The following ANK3 variants were observed in gnomAD, a reference collection of about 807,000 sequenced individuals.
ANK3 encodes ankyrin 3, also known as ankyrin-3.
A neutral mutation model predicts 370.9 loss-of-function variants in ANK3; 57 were observed. The observed-to-expected ratio is 0.15, with a 90% CI of 0.12 to 0.19. The LOEUF is 0.19. Among genes scored for constraint, ANK3 ranks in the 10% least tolerant of loss-of-function variants. ANK3 has a pLI of 1.00. For synonymous variants in ANK3, 1,929 were observed against 1,946.3 expected, an observed-to-expected ratio of 0.99 and a Z score of 0.23; for missense variants, 4,439 against 5,302.1, an observed-to-expected ratio of 0.84 and a Z score of 5.06.
intron 23 of ANK3, among the ~76,000 whole-genome samples, chr10:60,158,992 T>C (rs1202770361): frequency 6.6e-6 from 1 of 152,048 alleles, no homozygotes; most frequent in Non-Finnish European, 1.5e-5. Flanking sequence ...AAAAAATCAC[T>C]TTTATACAAA....
intron 8 of ANK3, among the ~76,000 whole-genome samples, chr10:60,218,650 C>T (rs140984566): frequency 3.6e-4 from 55 of 152,118 alleles, no homozygotes; most frequent in Middle Eastern, 6.8e-3. Flanking sequence ...CTGAGAGGTC[C>T]GCTGTTAGTC....
In ANK3 at chr10:60,535,901, C is replaced by G. The variant is rs956870263; in HGVS notation, c.96+79285G>C. On this transcript the variant is annotated intron_variant, in intron 2 of 43. Coordinates refer to the ANK3 transcript ENST00000373827. ...ATGAAACAATGGTTGCTCTAAATATCGGCAAAGCAACTGTTTGAAACCTCC... is the reference window on the plus strand; with the variant it reads ...ATGAAACAATGGTTGCTCTAAATATGGGCAAAGCAACTGTTTGAAACCTCC... 3.3e-5 allele frequency among the ~76,000 whole-genome samples: 5 copies of G among 150,338 alleles called. No individual in the cohort carries two copies. In the East Asian group the frequency reaches 9.8e-4, roughly 29 times the overall value.
At chr10:60,156,725 G>C (rs1161911059) in intron 23 of ANK3, among the ~76,000 whole-genome samples, 5 of 152,128 alleles carry the variant, frequency 3.3e-5, no homozygotes, top group African/African-American at 1.2e-4. Context: ...CGGGGCTTAG[G>C]GCACTCTCTA....
intron 2 of ANK3, among the ~76,000 whole-genome samples, chr10:60,570,348 T>G (rs1443286900): frequency 1.3e-5 from 2 of 152,162 alleles, no homozygotes; most frequent in Non-Finnish European, 2.9e-5. Flanking sequence ...AGGTGCTGTG[T>G]TCATCCAGAA....
chr10:60,715,733 T>C (rs868823499), intron 1 of ANK3, among the ~76,000 whole-genome samples: 53 of 152,348 alleles, frequency 3.5e-4, no homozygotes, highest in African/African-American at 1.3e-3. Flanking sequence ...TTTGCATATT[T>C]GCAACTCTAT....
chr10:60,440,029 G>A (rs991837285), intron 2 of ANK3, among the ~76,000 whole-genome samples: 11 of 152,142 alleles, frequency 7.2e-5, no homozygotes, highest in African/African-American at 2.2e-4. Flanking sequence ...TCCCTGGTGC[G>A]TGCCCCCAGG....
Position 60,279,556 on chromosome 10 carries a change from G to A in ANK3, c.198C>T (p.Asp66=). The A allele has an allele frequency of 1.2e-6, 2 of 1,609,990 alleles. No homozygotes were observed. Among genetic ancestry groups the A allele is most frequent in the Non-Finnish European group, 1.7e-6 (2 of 1,178,910 alleles). Residue 66 remains aspartate, a synonymous_variant, in exon 2 of 44, where the codon GAC becomes GAT. Transcript: ENST00000280772. ...KALDYIKNGV[D]INICNQNGLN... is the part of the protein sequence containing the mutation. The stretch of plus-strand genomic sequence containing the variant: ...AGCTAACCTGATTGCAAATGTTGAT[G>A]TCAACTCCATTTTTTATGTAGTCGA...
intron 1 of ANK3, among the ~76,000 whole-genome samples, chr10:60,628,725 C>G (rs1749319163): frequency 6.6e-6 from 1 of 152,138 alleles, no homozygotes; most frequent in Non-Finnish European, 1.5e-5. Context: ...AATTGTAAAA[C>G]TTGAAGTTCA....
At chr10:60,041,524 A>G (rs2393581) in intron 43 of ANK3, among the ~76,000 whole-genome samples, 114,517 of 152,054 alleles carry the variant, frequency 0.75, 43,273 homozygotes, top group African/African-American at 0.8. Context: ...CATCTATCAA[A>G]TGGGGATGAT....
At chr10:60,066,224 G>C (rs752977995) in intron 38 of ANK3, among the ~76,000 whole-genome samples, 1 of 152,086 alleles carries the variant, frequency 6.6e-6, no homozygotes, top group Non-Finnish European at 1.5e-5. Context: ...ACTTAATAAA[G>C]AGCAAAGACA....
In ANK3 at chr10:60,346,550, G is replaced by C. The variant is rs145299756; in HGVS notation, c.114+42875C>G. ...AATATAATAAATGCCCCACATTAAG[G>C]AATAATAAACCTCCCATGTTAAGGA... On this transcript the variant is annotated intron_variant, in intron 1 of 43. Transcript: ENST00000280772. Among the ~76,000 whole-genome samples, 10 of 152,080 alleles carry C rather than the reference G, an allele frequency of 6.6e-5. No homozygotes were observed. In the East Asian group the frequency reaches 1.9e-3, roughly 29 times the overall value.
At chr10:60,412,571 A>G (rs2063581797) in intron 2 of ANK3, among the ~76,000 whole-genome samples, 1 of 152,178 alleles carries the variant, frequency 6.6e-6, no homozygotes, top group Admixed American at 6.5e-5. Context: ...CTTTCTGTGT[A>G]TATTTTCTAT....
At chr10:60,367,657 CT>C (rs1402646810) in intron 1 of ANK3, among the ~76,000 whole-genome samples, 3 of 152,132 alleles carry the variant, frequency 2.0e-5, no homozygotes, top group Non-Finnish European at 4.4e-5. Flanking sequence ...GGTGATTAGG[CT>C]GGTAGGGTGA....
In ANK3 at chr10:60,070,422, A is replaced by T. The variant is rs138339150; in HGVS notation, c.10459T>A (p.Ser3487Thr). The T allele has an allele frequency of 1.4e-5, 23 of 1,614,084 alleles. No individual in the cohort carries two copies. The highest frequency in any genetic ancestry group is 1.9e-5 in the Non-Finnish European group (23 of 1,180,008). Reference protein sequence around the residue: ...EDKPPSKSSSSEKTPDKTDQK... With the variant: ...EDKPPSKSSSTEKTPDKTDQK... ...TCAGTCTTATCAGGAGTCTTTTCAGATGAAGAACTTTTAGAAGGTGGCTTG... is the reference window on the plus strand; with the variant it reads ...TCAGTCTTATCAGGAGTCTTTTCAGTTGAAGAACTTTTAGAAGGTGGCTTG... The change falls in exon 37 of 44, where the codon TCT (serine) becomes ACT (threonine). Residue 3487 changes from serine to threonine, a missense_variant. Physicochemically the swap from Ser to Thr is moderately conservative, Grantham distance 58. Transcript: ENST00000280772. The surrounding 1 kb of genome is among the most constrained non-coding windows in gnomAD (Gnocchi z 5.7).
At chr10:60,615,445 G>A (rs1445417585) in intron 1 of ANK3, among the ~76,000 whole-genome samples, 1 of 151,018 alleles carries the variant, frequency 6.6e-6, no homozygotes, top group African/African-American at 2.4e-5. Flanking sequence ...ATAAAGAAAA[G>A]CAGGGACACC....
intron 1 of ANK3, among the ~76,000 whole-genome samples, chr10:60,673,601 C>T (rs1371156316): frequency 6.6e-6 from 1 of 152,214 alleles, no homozygotes; most frequent in Non-Finnish European, 1.5e-5. Flanking sequence ...ATCCACCCGC[C>T]TCAGCCTCCC....
chr10:60,354,227 T>C (rs945965940), intron 1 of ANK3, among the ~76,000 whole-genome samples: 2 of 151,818 alleles, frequency 1.3e-5, no homozygotes, highest in African/African-American at 4.8e-5. Flanking sequence ...ACAAGAAATG[T>C]GAGAGAAGAT....
chr10:60,363,096 C>T (rs889955612), intron 1 of ANK3, among the ~76,000 whole-genome samples: 4 of 14,974 alleles, frequency 2.7e-4, no homozygotes, highest in African/African-American at 1.0e-3. Flanking sequence ...GGGAGGGGGG[C>T]GGGGGGCGCA....
At chr10:60,249,435 C>T (rs113989228) in intron 7 of ANK3, among the ~76,000 whole-genome samples, 3,229 of 152,262 alleles carry the variant, frequency 0.021, 112 homozygotes, top group African/African-American at 0.072. Flanking sequence ...TCACTTCTGA[C>T]AAACCTGGAA....
Sources: allele counts gnomAD v4.1 joint callset (sites outside exome capture counted in the v4.1 genomes callset), GRCh38; gene constraint gnomAD v4.1.1; non-coding constraint Gnocchi (gnomAD v3.1); transcripts MANE v1.5; gene names NCBI Gene and HGNC (gene_info 2026-07-23, HGNC 2026-07-21).